Variants in DMD observed in about 807,000 individuals in gnomAD.
DMD encodes dystrophin, also known as mutant dystrophin.
DMD carries 63 observed loss-of-function variants against 330.1 expected under a neutral mutation model. That is an observed-to-expected ratio of 0.19 (90% CI 0.16 to 0.24). The LOEUF (loss-of-function observed/expected upper bound fraction) is 0.24. Ranked by LOEUF, DMD falls within the 10% of genes least tolerant of loss-of-function variation. The probability of loss-of-function intolerance (pLI) is 1.00; values close to 1 mark genes in which losing one functional copy is unlikely to be tolerated. For synonymous variants in DMD, 1,223 were observed against 959.8 expected, an observed-to-expected ratio of 1.27 and a Z score of -5.07; for missense variants, 3,344 against 2,684.1, an observed-to-expected ratio of 1.25 and a Z score of -5.43.
intron 57 of DMD, among the ~76,000 whole-genome samples, chrX:31,491,589 A>G (rs1465413434): frequency 8.9e-6 from 1 of 112,021 alleles, no homozygotes; most frequent in African/African-American, 3.2e-5. Flanking sequence ...CTGGAGCATT[A>G]TTTTATTAAT....
chrX:32,884,238 C>T (rs983373475), intron 2 of DMD, among the ~76,000 whole-genome samples: 1 of 111,497 alleles, frequency 9.0e-6, no homozygotes, highest in African/African-American at 3.3e-5. Context: ...AAACATACCA[C>T]CCAGGGAATA....
At chrX:32,317,566 T>C (rs1353072230) in intron 41 of DMD, among the ~76,000 whole-genome samples, 1 of 111,319 alleles carries the variant, frequency 9.0e-6, no homozygotes, top group Non-Finnish European at 1.9e-5. Flanking sequence ...AATGGTGCAT[T>C]ATGTCTAGGT....
intron 52 of DMD, among the ~76,000 whole-genome samples, chrX:31,702,285 GA>G (rs2083866844): frequency 9.0e-6 from 1 of 111,565 alleles, no homozygotes; most frequent in African/African-American, 3.3e-5. Context: ...AAAATAATCA[GA>G]GTAAAATCTG....
chrX:32,733,923 C>T (rs1261013731), intron 7 of DMD, among the ~76,000 whole-genome samples: 1 of 104,961 alleles, frequency 9.5e-6, no homozygotes, highest in African/African-American at 3.5e-5. Flanking sequence ...CAGAGCAGAA[C>T]TGAAGGAAAT....
chrX:32,013,935 ATATC>A (rs2095738308), intron 44 of DMD, among the ~76,000 whole-genome samples: 1 of 112,476 alleles, frequency 8.9e-6, no homozygotes. Context: ...ATTTAGACAA[ATATC>A]TAATTTGAAC....
At position 31,765,788 on chromosome X, in the gene DMD, T is replaced by C. The variant is rs907825074; in HGVS notation, c.7542+8172A>G. ...TTATTCACTATCATACACAAGGAAA[T>C]CAAATTTAAATCCAAATTATTACTC... On this transcript the variant is annotated intron_variant, in intron 51 of 78. Transcript: ENST00000357033. Among the ~76,000 whole-genome samples the C allele has an allele frequency of 8.1e-5, 9 of 111,372 alleles. 1 individual carries two copies. Among genetic ancestry groups the C allele is most frequent in the Non-Finnish European group, 1.5e-4 (8 of 53,001 alleles).
intron 1 of DMD, among the ~76,000 whole-genome samples, chrX:33,190,907 T>C: frequency 0.011 from 8 of 751 alleles, 2 homozygotes; most frequent in Admixed American, 0.069. Context: ...TTATATAATA[T>C]ATAATATTAT....
intron 11 of DMD, among the ~76,000 whole-genome samples, chrX:32,643,353 G>A (rs2059591049): frequency 9.6e-6 from 1 of 104,135 alleles, no homozygotes; most frequent in Admixed American, 1.0e-4. Flanking sequence ...TTTTTTTAAC[G>A]CTTTTGAACT....
intron 62 of DMD, among the ~76,000 whole-genome samples, chrX:31,321,428 T>G (rs1350403595): frequency 2.8e-5 from 3 of 106,605 alleles, no homozygotes; most frequent in Non-Finnish European, 5.8e-5. Context: ...CTACTAAAAA[T>G]ACAAAAATTA....
intron 52 of DMD, among the ~76,000 whole-genome samples, chrX:31,720,261 AAAG>A (rs762338451): frequency 8.9e-6 from 1 of 112,472 alleles, no homozygotes; most frequent in Admixed American, 9.4e-5. Context: ...TTTGGTAAAG[AAAG>A]AAGTAGTAGG....
At chrX:32,399,027 A>G (rs1416465014) in intron 30 of DMD, among the ~76,000 whole-genome samples, 1 of 112,033 alleles carries the variant, frequency 8.9e-6, no homozygotes, top group African/African-American at 3.2e-5. Context: ...GGAAAATTGG[A>G]TATCCAAATG....
intron 1 of DMD, among the ~76,000 whole-genome samples, chrX:33,146,991 T>A (rs1462721642): frequency 9.1e-6 from 1 of 109,586 alleles, no homozygotes; most frequent in Non-Finnish European, 1.9e-5. Flanking sequence ...CCTGGCTAAT[T>A]TTTTTATTTT....
At position 32,947,012 on chromosome X, in the gene DMD, G is replaced by A. The variant is rs572995941; in HGVS notation, c.93+73127C>T. The stretch of plus-strand genomic sequence containing the variant: ...GGGTGTTTCTAAGATTAAAACTTAA[G>A]GCTTATGTATTTCGTAAACGCAGCT... On this transcript the variant is annotated intron_variant, in intron 2 of 78. Coordinates refer to ENST00000357033, the MANE Select transcript of DMD (RefSeq NM_004006.3). 8.9e-5 allele frequency among the ~76,000 whole-genome samples: 10 copies of A among 112,262 alleles called. 1 individual carries two copies. In the South Asian group the frequency reaches 3.7e-3, roughly 41 times the overall value.
chrX:32,312,484 A>C (rs181372593), intron 41 of DMD, among the ~76,000 whole-genome samples: 26 of 111,145 alleles, frequency 2.3e-4, no homozygotes, highest in Non-Finnish European at 3.8e-4. Flanking sequence ...GGTCAAATAT[A>C]ATGAAGAAAA....
intron 47 of DMD, among the ~76,000 whole-genome samples, chrX:31,878,311 C>T (rs2094000133): frequency 8.9e-6 from 1 of 111,886 alleles, no homozygotes; most frequent in Non-Finnish European, 1.9e-5. Flanking sequence ...TGCTCCTTCT[C>T]ACTGACCTTT....
intron 29 of DMD, 59 bp from the exon 30 acceptor site, chrX:32,411,972 A>C (rs1324138295): frequency 8.4e-7 from 1 of 1,187,988 alleles, no homozygotes; most frequent in African/African-American, 1.8e-5. Flanking sequence ...GCTTTTCTGT[A>C]ATCCTGCTGA....
At chrX:32,875,561 A>T (rs181698468) in intron 2 of DMD, among the ~76,000 whole-genome samples, 18 of 112,442 alleles carry the variant, frequency 1.6e-4, no homozygotes, top group Admixed American at 2.8e-4. Context: ...TAAATGAATG[A>T]CTATTGGATA....
chrX:32,201,473 C>G (rs1188297656), intron 44 of DMD, among the ~76,000 whole-genome samples: 6 of 82,766 alleles, frequency 7.2e-5, no homozygotes, highest in African/African-American at 1.6e-4. Flanking sequence ...TCAAACACCC[C>G]CCCCCCCCCC....
chrX:31,478,592 T>C (rs745421989), intron 58 of DMD, among the ~76,000 whole-genome samples: 1 of 111,878 alleles, frequency 8.9e-6, no homozygotes, highest in Admixed American at 9.5e-5. Context: ...AATTTAAGAT[T>C]CACTTAAGCT....
Sources: gnomAD v4.1 joint callset for allele counts (sites outside exome capture counted in the v4.1 genomes callset) on GRCh38, gnomAD v4.1.1 for gene constraint, MANE v1.5 for transcripts, NCBI Gene and HGNC (gene_info 2026-07-23, HGNC 2026-07-21) for gene names.